Variants in UBXN7 observed in about 807,000 individuals in gnomAD.
UBXN7 encodes the protein UBX domain-containing protein 7.
UBXN7 carries 9 observed loss-of-function variants against 58.0 expected under a neutral mutation model. That is an observed-to-expected ratio of 0.16 (90% CI 0.09 to 0.27). The LOEUF (loss-of-function observed/expected upper bound fraction) is 0.27. UBXN7 is among the 10% of genes least tolerant of loss of function. The pLI is 1.00. For missense variants in UBXN7, 328 were observed against 599.6 expected, an observed-to-expected ratio of 0.55 and a Z score of 4.73; for synonymous variants, 208 against 205.0, an observed-to-expected ratio of 1.01 and a Z score of -0.12.
intron 10 of UBXN7, among the ~76,000 whole-genome samples, chr3:196,357,076 C>T (rs879179847): frequency 1.3e-5 from 2 of 152,182 alleles, no homozygotes; most frequent in Admixed American, 1.3e-4. Flanking sequence ...TACTGAAATA[C>T]ACAGTTATTA....
intron 1 of UBXN7, among the ~76,000 whole-genome samples, chr3:196,410,261 A>G (rs1730284269): frequency 6.6e-6 from 1 of 152,112 alleles, no homozygotes; most frequent in African/African-American, 2.4e-5. Context: ...TTTTAAATAC[A>G]TACATTCTTC....
chr3:196,405,813 C>A lies in UBXN7; in HGVS notation c.221+1433G>T, dbSNP rs73088728. Among the ~76,000 whole-genome samples, 1,102 of 152,200 alleles carry A rather than the reference C, an allele frequency of 7.2e-3. 15 individuals carry two copies. The highest frequency in any genetic ancestry group is 0.025 in the African/African-American group (1,042 of 41,530). ...AAAATCACACTTTAGGAATTAGGAG[C>A]CATTATCAAATGTTAATCAATTAGC... On this transcript the variant is annotated intron_variant, in intron 2 of 10. Coordinates refer to ENST00000296328, the MANE Select transcript of UBXN7 (RefSeq NM_015562.2).
chr3:196,369,549 TAAGAA>T (rs1728760757), intron 6 of UBXN7, 38 bp from the exon 7 acceptor site: 1 of 1,517,936 alleles, frequency 6.6e-7, no homozygotes, highest in Non-Finnish European at 9.0e-7. Context: ...AGTCAGCCTC[TAAGAA>T]AAGAACCAAC....
intron 5 of UBXN7, 70 bp downstream of exon 5, chr3:196,391,743 A>C: frequency 8.2e-7 from 1 of 1,223,564 alleles, no homozygotes; most frequent in South Asian, 1.3e-5. Context: ...AAAACAAGTA[A>C]TTTTTTAAAA....
At chr3:196,431,860 A>G in intron 1 of UBXN7, 1 of 373,588 alleles carries the variant, frequency 2.7e-6, no homozygotes, top group Non-Finnish European at 5.4e-6. Flanking sequence ...AGAAAGGGGA[A>G]GGGCAGGCCG....
rs1210544009 is a variant in UBXN7 at position 196,369,404 on chromosome 3, G to A, written c.706+17C>T. On this transcript the variant is annotated intron_variant, in intron 7 of 10. Transcript: ENST00000296328. The stretch of plus-strand genomic sequence containing the variant: ...ACAAGTAATAGGTTAAAAGCTGCGT[G>A]CTGATATAAATCTTACCTGTCCGTG... The A allele has an allele frequency of 6.4e-7, 1 of 1,564,102 alleles. No individual in the cohort carries two copies. Among genetic ancestry groups the A allele is most frequent in the Admixed American group, 1.7e-5 (1 of 58,724 alleles).
In UBXN7 at chr3:196,367,960, CATTTTAT is replaced by C. The variant is rs112209783; in HGVS notation, c.834+61_834+67del. 4.0e-4 allele frequency: 617 copies of C among 1,560,726 alleles called. 4 individuals carry two copies. The African/African-American group carries it at 6.7e-3, about 17-fold the overall frequency. On this transcript the variant is annotated intron_variant, in intron 8 of 10. Coordinates refer to ENST00000296328, the MANE Select transcript of UBXN7 (RefSeq NM_015562.2). ...TTATCTTTACCATCTTAACATCGAA[CATTTTAT>C]ATAAGATGCTTATGACCAATTACAT...
chr3:196,364,475 T>C (rs1004769727), intron 8 of UBXN7, among the ~76,000 whole-genome samples: 1 of 152,032 alleles, frequency 6.6e-6, no homozygotes, highest in East Asian at 1.9e-4. Flanking sequence ...TGTGATGGGA[T>C]ACAGAGGAAA....
Position 196,371,228 on chromosome 3 carries a change from C to T in UBXN7, c.615+668G>A, listed in dbSNP as rs374067862. On this transcript the variant is annotated intron_variant, in intron 6 of 10. Coordinates refer to ENST00000296328, the MANE Select transcript of UBXN7 (RefSeq NM_015562.2). ...CACTACCCACAAGTGGCTACTGAAG[C>T]ACCTGAAATCTTGCTACTCCAAATG... is the stretch of plus-strand genomic sequence containing the variant. Among the ~76,000 whole-genome samples the T allele has an allele frequency of 2.0e-5, 3 of 152,180 alleles. No homozygotes were observed. In the East Asian group the frequency reaches 5.8e-4, roughly 29 times the overall value.
chr3:196,364,215 C>T (rs983003630), intron 8 of UBXN7, among the ~76,000 whole-genome samples: 2 of 152,118 alleles, frequency 1.3e-5, no homozygotes, highest in Non-Finnish European at 2.9e-5. Context: ...TCACAAAATA[C>T]GTTGTTTGAG....
rs1728823080 is a variant in UBXN7 at position 196,371,216 on chromosome 3, T to TAG, written c.615+679_615+680insCT. On this transcript the variant is annotated intron_variant, in intron 6 of 10. Transcript: ENST00000296328. ...TAATACAGCAACCACTACCCACAAG[T>TAG]GGCTACTGAAGCACCTGAAATCTTG... Among the ~76,000 whole-genome samples the TAG allele has an allele frequency of 4.6e-5, 7 of 152,336 alleles. No homozygotes were observed. The South Asian group carries it at 1.5e-3, about 32-fold the overall frequency.
chr3:196,370,722 T>G (rs1659657700), intron 6 of UBXN7, among the ~76,000 whole-genome samples: 1 of 151,012 alleles, frequency 6.6e-6, no homozygotes, highest in African/African-American at 2.4e-5. Flanking sequence ...TTTCACAAAA[T>G]AAAAAATAAA....
At chr3:196,399,661 A>C (rs1729896835) in intron 3 of UBXN7, among the ~76,000 whole-genome samples, 1 of 152,142 alleles carries the variant, frequency 6.6e-6, no homozygotes, top group South Asian at 2.1e-4. Flanking sequence ...GCTACTCTCC[A>C]ACTCCTGGTT....
intron 1 of UBXN7, among the ~76,000 whole-genome samples, chr3:196,418,153 C>T (rs1186108954): frequency 1.3e-5 from 2 of 151,912 alleles, no homozygotes; most frequent in African/African-American, 4.8e-5. Context: ...GGGAGAATCG[C>T]TGGAACCCAG....
intron 2 of UBXN7, among the ~76,000 whole-genome samples, chr3:196,406,441 ATTTT>A (rs1255712096): frequency 1.3e-5 from 2 of 151,588 alleles, no homozygotes; most frequent in African/African-American, 4.8e-5. Flanking sequence ...ACACAATATT[ATTTT>A]TATTATTTTT....
chr3:196,425,895 A>T (rs1730833928), intron 1 of UBXN7, among the ~76,000 whole-genome samples: 1 of 152,060 alleles, frequency 6.6e-6, no homozygotes, highest in African/African-American at 2.4e-5. Context: ...GCTCCTTACC[A>T]TTCTCTCACT....
rs1268076708 is a variant in UBXN7, at chr3:196,352,967, G to A, written c.*3718C>T. 2 of 152,130 alleles carry A rather than the reference G, an allele frequency of 1.3e-5. No individual in the cohort carries two copies. The highest frequency in any genetic ancestry group is 6.5e-5 in the Admixed American group (1 of 15,278). 9.4% of individuals were successfully genotyped at this position (152,130 alleles called of 1,614,324 possible). A position where few individuals can be genotyped will look rare whatever the true frequency, so the allele number is the denominator to read the frequency against. Reference sequence around the variant, plus strand: ...TTATTCTTGGCAAATAATGCCACGTGGCAATTTTACTTTCACATCTTCACC... The same window carrying A: ...TTATTCTTGGCAAATAATGCCACGTAGCAATTTTACTTTCACATCTTCACC... On this transcript the variant is annotated 3_prime_UTR_variant, in exon 11 of 11. Coordinates refer to ENST00000296328, the MANE Select transcript of UBXN7 (RefSeq NM_015562.2). The surrounding 1 kb of genome is among the most constrained non-coding windows in gnomAD (Gnocchi z 4.1).
chr3:196,366,149 T>C (rs1728658474), intron 8 of UBXN7, among the ~76,000 whole-genome samples: 1 of 152,046 alleles, frequency 6.6e-6, no homozygotes, highest in African/African-American at 2.4e-5. Flanking sequence ...TACTATCCCT[T>C]AGGGCTTTTC....
At chr3:196,365,406 T>A (rs1277564073) in intron 8 of UBXN7, among the ~76,000 whole-genome samples, 1 of 152,134 alleles carries the variant, frequency 6.6e-6, no homozygotes, top group African/African-American at 2.4e-5. Flanking sequence ...TTTGTTTTGT[T>A]TTTTGTTTCT....
Sources: allele counts gnomAD v4.1 joint callset (sites outside exome capture counted in the v4.1 genomes callset), GRCh38; gene constraint gnomAD v4.1.1; non-coding constraint Gnocchi (gnomAD v3.1); transcripts MANE v1.5; gene names NCBI Gene and HGNC (gene_info 2026-07-23, HGNC 2026-07-21).